HSPG2: variants seen among roughly 807,000 people sequenced by gnomAD.
The protein encoded by HSPG2 is basement membrane-specific heparan sulfate proteoglycan core protein.
A neutral mutation model predicts 526.6 loss-of-function variants in HSPG2; 278 were observed. The ratio of observed to expected loss-of-function variants is 0.53; its 90% CI spans 0.48 to 0.58. The LOEUF (loss-of-function observed/expected upper bound fraction) is 0.58. HSPG2 is among the 20% of genes least tolerant of loss of function. HSPG2 has a pLI of 0.00. For synonymous variants in HSPG2, 2,465 were observed against 2,555.4 expected, an observed-to-expected ratio of 0.96 and a Z score of 1.07; for missense variants, 5,354 against 6,099.5, an observed-to-expected ratio of 0.88 and a Z score of 4.07.
chr1:21,831,431 C>T, intron 83 of HSPG2, 32 bp downstream of exon 83: 4 of 1,610,338 alleles, frequency 2.5e-6, no homozygotes, highest in Non-Finnish European at 3.4e-6. Context: ...AGGTAAGGCC[C>T]AGCCTCAGCT....
chr1:21,882,234 G>C (rs1015587570), intron 13 of HSPG2, among the ~76,000 whole-genome samples: 1 of 152,200 alleles, frequency 6.6e-6, no homozygotes, highest in Non-Finnish European at 1.5e-5. Flanking sequence ...AAGTCCAGGT[G>C]TGTTGTAAGC....
chr1:21,937,154 CCGCCAGCAGCCGCCCGTGCAGCAGCAG>C lies in HSPG2; in HGVS notation c.37_63del (p.Leu13_Ala21del). ...CCCGCCCCTCTGCCCCGCACACTCACCGCCAGCAGCCGCCCGTGCAGCAGCAGCGCCAGCAGCAGCGCGCCCGCCGCC... is the reference window on the plus strand; with the variant it reads ...CCCGCCCCTCTGCCCCGCACACTCACCGCCAGCAGCAGCGCGCCCGCCGCC... On this transcript the variant is annotated inframe_deletion and splice_region_variant, in exon 1 of 97. Transcript: ENST00000374695. The C allele has an allele frequency of 2.0e-6, 2 of 981,642 alleles. No homozygotes were observed. The highest frequency in any genetic ancestry group is 2.5e-6 in the Non-Finnish European group (2 of 784,816). The allele number at this position is 981,642 out of a possible 1,614,324, so 60.8% of individuals were successfully genotyped here.
At position 21,905,875 on chromosome 1, in the gene HSPG2, G is replaced by A. The variant is rs113473620; in HGVS notation, c.64-9565C>T. ...AAAAATTAAAAATCAGCCCGTTGTG[G>A]TGGTGCACACCTGTAGTCCCAGCTA... On this transcript the variant is annotated intron_variant, in intron 1 of 96. Transcript: ENST00000374695. Among the ~76,000 whole-genome samples, 21 of 152,324 alleles carry A rather than the reference G, an allele frequency of 1.4e-4. 1 individual carries two copies. Among genetic ancestry groups the A allele is most frequent in the African/African-American group, 4.6e-4 (19 of 41,570 alleles).
At position 21,846,561 on chromosome 1, in the gene HSPG2, A is replaced by C. The variant is rs762444406; in HGVS notation, c.8203T>G (p.Ser2735Ala). The C allele has an allele frequency of 4.8e-5, 77 of 1,613,578 alleles. 1 individual carries two copies. In the East Asian group the frequency reaches 1.7e-3, roughly 35 times the overall value. Reference sequence around the variant, plus strand: ...GTCTCCCCTTCGGCCACGTGTGAGGAGGATGACTCAATTCTGATGGGCATG... The same window carrying C: ...GTCTCCCCTTCGGCCACGTGTGAGGCGGATGACTCAATTCTGATGGGCATG... ...SSMPIRIESS[S>A]SHVAEGETLD... The change falls in exon 63 of 97, where the codon TCC becomes GCC. Residue 2735 changes from serine to alanine, a missense_variant. By Grantham distance (99) the Ser-to-Ala change is moderately conservative (BLOSUM62 1). Coordinates refer to ENST00000374695, the MANE Select transcript of HSPG2 (RefSeq NM_005529.7).
At chr1:21,841,430 A>C in intron 70 of HSPG2, 109 bp downstream of exon 70, 1 of 1,570,324 alleles carries the variant, frequency 6.4e-7, no homozygotes, top group Non-Finnish European at 8.7e-7. Flanking sequence ...GAGAGGGAGA[A>C]TGCCCAAGAC....
chr1:21,845,963 T>G, intron 64 of HSPG2, 145 bp downstream of exon 64: 1 of 975,806 alleles, frequency 1.0e-6, no homozygotes, highest in Non-Finnish European at 1.6e-6. Context: ...CCTGGGACCG[T>G]GTGGGTGGCG....
chr1:21,891,403 A>G (rs558870746), intron 3 of HSPG2, among the ~76,000 whole-genome samples: 1 of 152,304 alleles, frequency 6.6e-6, no homozygotes, highest in East Asian at 1.9e-4. Flanking sequence ...ACTCAGATGC[A>G]TCACCTGGCA....
intron 37 of HSPG2, among the ~76,000 whole-genome samples, chr1:21,863,068 A>AAAAAAAAAAAAC (rs1639939441): frequency 1.2e-4 from 8 of 66,226 alleles, no homozygotes; most frequent in Admixed American, 6.1e-4. Context: ...CTCAAAAAAA[A>AAAAAAAAAAAAC]AAAAAAAAAA....
At position 21,824,462 on chromosome 1, in the gene HSPG2, C is replaced by G; in HGVS notation, c.12744+75G>C. 3.7e-6 allele frequency: 6 copies of G among 1,602,856 alleles called. No individual in the cohort carries two copies. Among genetic ancestry groups the G allele is most frequent in the Admixed American group, 3.3e-5 (2 of 60,022 alleles). ...CAGGGGGCTCTGCTTTCCCCTCCCC[C>G]CACCACTCCGGCCACCAGGAAGCCA... On this transcript the variant is annotated intron_variant, in intron 93 of 96. Coordinates refer to ENST00000374695, the MANE Select transcript of HSPG2 (RefSeq NM_005529.7). The surrounding 1 kb of genome is among the most constrained non-coding windows in gnomAD (Gnocchi z 5.9).
At chr1:21,873,553 T>C (rs1176091637) in intron 29 of HSPG2, 129 bp from the exon 30 acceptor site, 4 of 963,620 alleles carry the variant, frequency 4.2e-6, no homozygotes, top group South Asian at 2.7e-5. Context: ...GACTCGCCCA[T>C]GTTACGGGGA....
chr1:21,842,177 G>T, intron 68 of HSPG2, 35 bp from the exon 69 acceptor site: 1 of 1,613,182 alleles, frequency 6.2e-7, no homozygotes. Flanking sequence ...GGGCTCAGCA[G>T]GGGTGGGCTT....
chr1:21,851,341 G>A (rs766355074), intron 55 of HSPG2: 96 of 663,932 alleles, frequency 1.4e-4, no homozygotes, highest in Middle Eastern at 8.3e-4. Context: ...TAACTTGTCC[G>A]AGGTCACAAG....
intron 87 of HSPG2, 111 bp from the exon 88 acceptor site, chr1:21,829,190 A>G: frequency 1.4e-6 from 2 of 1,452,798 alleles, no homozygotes; most frequent in Non-Finnish European, 1.8e-6. Flanking sequence ...AGCCTTCTGT[A>G]TTCCAGATGA....
rs371784352 is a variant in HSPG2, at chr1:21,890,725, G to T, written c.245-31C>A. The T allele has an allele frequency of 6.5e-7, 1 of 1,536,326 alleles. No individual in the cohort carries two copies. The highest frequency in any genetic ancestry group is 9.0e-7 in the Non-Finnish European group (1 of 1,112,752). ...AAATCGAAGGAGGATCATTTTGAGA[G>T]CCCCAGCCTGGCATCTAGTGGCCTT... On this transcript the variant is annotated intron_variant, in intron 3 of 96. Coordinates refer to ENST00000374695, the MANE Select transcript of HSPG2 (RefSeq NM_005529.7). The surrounding 1 kb of genome is among the most constrained non-coding windows in gnomAD (Gnocchi z 4.1).
At chr1:21,935,544 C>T (rs1241578809) in intron 1 of HSPG2, among the ~76,000 whole-genome samples, 7 of 152,334 alleles carry the variant, frequency 4.6e-5, no homozygotes, top group Admixed American at 3.9e-4. Context: ...CATGGAATGT[C>T]GCTCAGTGAT....
chr1:21,875,429 C>G (rs1463046370), intron 25 of HSPG2, among the ~76,000 whole-genome samples, 200 bp downstream of exon 25: 1 of 152,150 alleles, frequency 6.6e-6, no homozygotes, highest in African/African-American at 2.4e-5. Context: ...CACCCCAATC[C>G]CCGTCTCAGG....
chr1:21,832,733 C>G (rs541541692), intron 80 of HSPG2, 127 bp from the exon 81 acceptor site: 2 of 699,074 alleles, frequency 2.9e-6, no homozygotes, highest in African/African-American at 3.5e-5. Flanking sequence ...TCTGGCACTC[C>G]TCACACAGCC....
chr1:21,896,293 C>T lies in HSPG2; in HGVS notation c.81G>A (p.Arg27=), dbSNP rs1028092273. 3 of 1,613,540 alleles carry T rather than the reference C, an allele frequency of 1.9e-6. No homozygotes were observed. Among genetic ancestry groups the T allele is most frequent in the Non-Finnish European group, 2.5e-6 (3 of 1,180,044 alleles). The part of the protein sequence containing the change: ...GRLLAVTHGL[R]AYDGLSLPED... ...CAGGCAGAGACAAGCCATCGTATGC[C>T]CTCAGCCCATGGGTCACCTGTAAGC... The change falls in exon 2 of 97, where the codon AGG becomes AGA. Residue 27 remains arginine, a synonymous_variant. Coordinates refer to ENST00000374695, the MANE Select transcript of HSPG2 (RefSeq NM_005529.7).
chr1:21,906,143 G>T (rs1311660869), intron 1 of HSPG2, among the ~76,000 whole-genome samples: 1 of 152,258 alleles, frequency 6.6e-6, no homozygotes, highest in African/African-American at 2.4e-5. Context: ...CTCCACACCT[G>T]GAAGGAACTC....
Sources: gnomAD v4.1 joint callset for allele counts (sites outside exome capture counted in the v4.1 genomes callset) on GRCh38, gnomAD v4.1.1 for gene constraint, Gnocchi (gnomAD v3.1) non-coding constraint, MANE v1.5 for transcripts, NCBI Gene and HGNC (gene_info 2026-07-23, HGNC 2026-07-21) for gene names.